The following DMKN variants were observed in gnomAD, a reference collection of about 807,000 sequenced individuals.
The protein encoded by DMKN is dermokine.
In DMKN, 58 loss-of-function variants were observed where a neutral mutation model predicts 67.6. That is an observed-to-expected ratio of 0.86 (90% confidence interval 0.69 to 1.07). The LOEUF is 1.07. DMKN is among the 50% of genes least tolerant of loss of function. The pLI is 0.00. For missense variants in DMKN, 596 were observed against 601.5 expected, an observed-to-expected ratio of 0.99 and a Z score of 0.10; for synonymous variants, 240 against 232.3, an observed-to-expected ratio of 1.03 and a Z score of -0.30.
In DMKN at chr19:35,509,898, C is replaced by T. The variant is rs372264216; in HGVS notation, c.1038+13G>A. 2.0e-5 allele frequency: 33 copies of T among 1,614,066 alleles called. No homozygotes were observed. The highest frequency in any genetic ancestry group is 2.2e-5 in the South Asian group (2 of 91,080). On this transcript the variant is annotated intron_variant, in intron 7 of 15. Coordinates refer to ENST00000339686, the MANE Select transcript of DMKN (RefSeq NM_033317.5). ...TGCAGTCCCCAGGAGACTTAAGAGA[C>T]TTTGGCTCTCACCTGAATCCCAGAT... is the stretch of plus-strand genomic sequence containing the variant.
rs186026807 is a variant in DMKN, at chr19:35,501,711, C to T, written c.1239+425G>A. The stretch of plus-strand genomic sequence containing the variant: ...TGCCTCCACTAGACAGGGACCTGAC[C>T]CCTGCACACCGCCCTCCCGTTCCAC... On this transcript the variant is annotated intron_variant, in intron 11 of 15. Coordinates refer to ENST00000339686, the MANE Select transcript of DMKN (RefSeq NM_033317.5). 1.4e-5 allele frequency: 16 copies of T among 1,159,284 alleles called. No individual in the cohort carries two copies. The East Asian group carries it at 3.9e-4, about 28-fold the overall frequency. The allele number at this position is 1,159,284 out of a possible 1,614,324, so 71.8% of individuals were successfully genotyped here. A position where few individuals can be genotyped will look rare whatever the true frequency, so the allele number is the denominator to read the frequency against.
intron 11 of DMKN, chr19:35,501,652 C>T (rs2068384191): frequency 1.6e-6 from 1 of 622,846 alleles, no homozygotes; most frequent in African/African-American, 1.8e-5. Flanking sequence ...TTCTCCCCAT[C>T]CTCCCTGACC....
In DMKN at chr19:35,502,849, T is replaced by C. The variant is rs2068659751; in HGVS notation, c.1172A>G (p.Tyr391Cys). 2 of 1,613,818 alleles carry C rather than the reference T, an allele frequency of 1.2e-6. No homozygotes were observed. Among genetic ancestry groups the C allele is most frequent in the African/African-American group, 1.3e-5 (1 of 74,852 alleles). Residue 391 changes from tyrosine (Y) to cysteine (C), a missense_variant, in exon 10 of 16, where the codon TAC (tyrosine) becomes TGC (cysteine). Coordinates refer to ENST00000339686, the MANE Select transcript of DMKN (RefSeq NM_033317.5). ...VPPPSTRALL[Y>C]FSRLWEDFKQ... ...TCCTACCTCCCAGAGTCGGCTGAAG[T>C]AGAGGAGGGCTCGGGTGCTGGGGGG...
intron 1 of DMKN, 79 bp from the exon 2 acceptor site, chr19:35,512,869 A>T: frequency 6.5e-7 from 1 of 1,539,422 alleles, no homozygotes. Flanking sequence ...TCATAAAGAG[A>T]CCAGGAGAGA....
chr19:35,512,537 T>C lies in DMKN; in HGVS notation c.627+53A>G. On this transcript the variant is annotated intron_variant, in intron 2 of 15. Transcript: ENST00000339686. The stretch of plus-strand genomic sequence containing the variant: ...AGGGACCAGGGAGGCACGCGGAGCA[T>C]GTGGGCTTGGAGGGAGGGAGGTGGC... 6.2e-6 allele frequency: 10 copies of C among 1,613,940 alleles called. No individual in the cohort carries two copies. The South Asian group carries it at 9.9e-5, about 16-fold the overall frequency.
rs4254439 is a variant in DMKN at position 35,507,460 on chromosome 19, T to A, written c.1039-1474A>T. 280 of 1,550,944 alleles carry A rather than the reference T, an allele frequency of 1.8e-4. No homozygotes were observed. Among genetic ancestry groups the A allele is most frequent in the Non-Finnish European group, 2.2e-4 (253 of 1,146,666 alleles). ...ACCCTGCCTGCCCCTAGGCTCACCC[T>A]ATAATTGTCTCCAGAGCCTCCAAGG... On this transcript the variant is annotated intron_variant, in intron 7 of 15. Coordinates refer to ENST00000339686, the MANE Select transcript of DMKN (RefSeq NM_033317.5).
chr19:35,512,616 G>A lies in DMKN; in HGVS notation c.601C>T (p.Pro201Ser). Residue 201 changes from proline to serine, a missense_variant, in exon 2 of 16, where the codon CCA becomes TCA. By Grantham distance (74) the Pro-to-Ser change is moderately conservative. Coordinates refer to ENST00000339686, the MANE Select transcript of DMKN (RefSeq NM_033317.5). Reference sequence around the variant, plus strand: ...TGAGTGTTGGTCCCAAAGTTTGGTGGCCCTCCATTGCCTCCTTGACCCCAG... The same window carrying A: ...TGAGTGTTGGTCCCAAAGTTTGGTGACCCTCCATTGCCTCCTTGACCCCAG... ...APWGQGGNGG[P>S]PNFGTNTQGA... 1 of 1,614,114 alleles carries A rather than the reference G, an allele frequency of 6.2e-7. No individual in the cohort carries two copies.
chr19:35,510,843 A>G (rs2070625402), intron 5 of DMKN, among the ~76,000 whole-genome samples: 3 of 152,186 alleles, frequency 2.0e-5, no homozygotes. Flanking sequence ...GCCATTGACC[A>G]GGAGGCTGGA....
intron 15 of DMKN, 152 bp downstream of exon 15, chr19:35,498,564 C>T: frequency 1.9e-6 from 2 of 1,072,542 alleles, no homozygotes; most frequent in South Asian, 3.2e-5. Context: ...TCCCCTCTTC[C>T]TTATCACCTT....
intron 7 of DMKN, chr19:35,506,380 C>T (rs932759540): frequency 1.6e-6 from 1 of 631,718 alleles, no homozygotes; most frequent in Non-Finnish European, 2.8e-6. Context: ...TGGATTGCTC[C>T]CATGGAACCC....
rs751615211 is a variant in DMKN, at chr19:35,513,181, C to A, written c.295G>T (p.Val99Phe). Reference protein sequence around the residue: ...FGVADALGNRVGEAAHALGNT... With the variant: ...FGVADALGNRFGEAAHALGNT... Reference sequence around the variant, plus strand: ...CCCAGAGCATGGGCTGCTTCCCCGACCCTGTTGCCCAAAGCATCTGCTACG... The same window carrying A: ...CCCAGAGCATGGGCTGCTTCCCCGAACCTGTTGCCCAAAGCATCTGCTACG... The change falls in exon 1 of 16, where the codon GTC (valine) becomes TTC (phenylalanine). Residue 99 changes from valine to phenylalanine, a missense_variant. By Grantham distance (50) the Val-to-Phe change is conservative. Coordinates refer to ENST00000339686, the MANE Select transcript of DMKN (RefSeq NM_033317.5). 6.2e-7 allele frequency: 1 copy of A among 1,614,202 alleles called. No homozygotes were observed. The highest frequency in any genetic ancestry group is 8.5e-7 in the Non-Finnish European group (1 of 1,180,020).
rs1378818334 is a variant in DMKN at position 35,500,229 on chromosome 19, C to G, written c.1288-200G>C. 6.3e-6 allele frequency: 8 copies of G among 1,266,230 alleles called. No homozygotes were observed. In the Admixed American group the frequency reaches 1.7e-4, roughly 27 times the overall value. 78.4% of individuals were successfully genotyped at this position (1,266,230 alleles called of 1,614,324 possible). A position where few individuals can be genotyped will look rare whatever the true frequency, so the allele number is the denominator to read the frequency against. On this transcript the variant is annotated intron_variant, in intron 12 of 15. Coordinates refer to ENST00000339686, the MANE Select transcript of DMKN (RefSeq NM_033317.5). ...CCCTCACCTGCCTTTACTGTCCTAGCCCAAATGGCCGCCGCCTCCTCCTCC... is the reference window on the plus strand; with the variant it reads ...CCCTCACCTGCCTTTACTGTCCTAGGCCAAATGGCCGCCGCCTCCTCCTCC...
chr19:35,511,477 GCCGCCA>G lies in DMKN; in HGVS notation c.846_851del (p.Gly283_Gly284del), dbSNP rs753113009. ...TGTTGCCACTGCTGCCACCACTGCT[GCCGCCA>G]CTGCTGCCGCCACTGCTGCTGCCAC... On this transcript the variant is annotated inframe_deletion, in exon 5 of 16. Coordinates refer to ENST00000339686, the MANE Select transcript of DMKN (RefSeq NM_033317.5). 7,328 of 942,218 alleles carry G rather than the reference GCCGCCA, an allele frequency of 7.8e-3. 226 individuals are homozygous for G. In the African/African-American group the frequency reaches 0.11, roughly 14 times the overall value. The allele number at this position is 942,218 out of a possible 1,614,324, so 58.4% of individuals were successfully genotyped here.
At chr19:35,507,331 T>C (rs1461292560) in intron 7 of DMKN, 5 of 871,282 alleles carry the variant, frequency 5.7e-6, no homozygotes, top group Non-Finnish European at 8.9e-6. Flanking sequence ...GGTCTCTTGA[T>C]GGTCACTGGA....
chr19:35,507,693 T>C, intron 7 of DMKN: 1 of 578,578 alleles, frequency 1.7e-6, no homozygotes, highest in South Asian at 2.2e-5. Flanking sequence ...CCATCTGCCC[T>C]GAGATCTCGT....
chr19:35,512,673 C>T lies in DMKN; in HGVS notation c.544G>A (p.Gly182Ser), dbSNP rs377737636. 1.4e-5 allele frequency: 23 copies of T among 1,614,102 alleles called. No individual in the cohort carries two copies. The highest frequency in any genetic ancestry group is 1.9e-5 in the Non-Finnish European group (23 of 1,180,040). ...WVHGYPGNSAGSFGMNPQGAP... is the reference protein window; with the variant it reads ...WVHGYPGNSASSFGMNPQGAP... ...CCCTGAGGATTCATTCCAAAGCTGC[C>T]TGCTGAGTTTCCGGGGTATCCGTGG... The change falls in exon 2 of 16, where the codon GGC becomes AGC. Residue 182 changes from glycine (G) to serine (S), a missense_variant. By Grantham distance (56) the Gly-to-Ser change is moderately conservative (BLOSUM62 0). Coordinates refer to ENST00000339686, the MANE Select transcript of DMKN (RefSeq NM_033317.5).
chr19:35,499,994 G>T lies in DMKN; in HGVS notation c.1323C>A (p.Ala441=). 1 of 1,614,196 alleles carries T rather than the reference G, an allele frequency of 6.2e-7. No homozygotes were observed. The highest frequency in any genetic ancestry group is 8.5e-7 in the Non-Finnish European group (1 of 1,180,044). The change falls in exon 13 of 16, where the codon GCC becomes GCA. Residue 441 remains alanine, a synonymous_variant. Coordinates refer to ENST00000339686, the MANE Select transcript of DMKN (RefSeq NM_033317.5). ...TCTTGACTGAGTACTTCCCACCATA[G>T]GCAGTGGGATACGCATGCTGGTTGT... The part of the protein sequence containing the change: ...YNYNQHAYPT[A]YGGKYSVKTP...
Position 35,511,599 on chromosome 19 carries a change from G to T in DMKN, c.736-6C>A, listed in dbSNP as rs563925383. ...GACTGTGAGCCGCTGCCTCCCTGAG[G>T]GGCAGGAAGGGAGCAGGGCTGGGAT... On this transcript the variant is annotated splice_polypyrimidine_tract_variant and splice_region_variant and intron_variant, in intron 4 of 15. Transcript: ENST00000339686. The T allele has an allele frequency of 1.2e-6, 2 of 1,611,516 alleles. No individual in the cohort carries two copies. The highest frequency in any genetic ancestry group is 2.0e-4 in the Middle Eastern group (1 of 4,974).
intron 8 of DMKN, 85 bp from the exon 9 acceptor site, chr19:35,505,850 G>A (rs2069385297): frequency 1.9e-6 from 3 of 1,613,392 alleles, no homozygotes. Flanking sequence ...GCTGACTGTT[G>A]GTTTAGAAAG....
Sources: allele counts gnomAD v4.1 joint callset (sites outside exome capture counted in the v4.1 genomes callset), GRCh38; gene constraint gnomAD v4.1.1; transcripts MANE v1.5; gene names NCBI Gene and HGNC (gene_info 2026-07-23, HGNC 2026-07-21).